CSMD2: variants seen among roughly 807,000 people sequenced by gnomAD.
CSMD2 encodes the protein CUB and sushi domain-containing protein 2.
Under a neutral mutation model 398.5 loss-of-function variants are expected in CSMD2, and 130 were observed. The ratio of observed to expected loss-of-function variants is 0.33; its 90% confidence interval spans 0.28 to 0.38. The LOEUF (loss-of-function observed/expected upper bound fraction) is 0.38, where lower values mean the gene tolerates loss of function less well. CSMD2 is among the 10% of genes least tolerant of loss of function. The pLI is 1.00. For missense variants in CSMD2, 3,829 were observed against 4,764.9 expected (o/e 0.80, Z 5.78); for synonymous variants, 1,828 against 1,908.5 (o/e 0.96, Z 1.10).
intron 5 of CSMD2, among the ~76,000 whole-genome samples, chr1:33,883,760 G>A (rs1044472455): frequency 6.6e-6 from 1 of 152,172 alleles, no homozygotes; most frequent in Non-Finnish European, 1.5e-5. Context: ...GGGAAACAAG[G>A]CCCCACTTTC....
intron 1 of CSMD2, among the ~76,000 whole-genome samples, chr1:34,134,607 AAAAAT>A (rs893863634): frequency 4.3e-4 from 66 of 152,376 alleles, no homozygotes; most frequent in African/African-American, 1.5e-3. Context: ...TCTCTATGCA[AAAAAT>A]AAAATAAAGA....
intron 15 of CSMD2, among the ~76,000 whole-genome samples, chr1:33,738,057 T>C (rs1646939398): frequency 6.6e-6 from 1 of 151,974 alleles, no homozygotes; most frequent in Admixed American, 6.6e-5. Flanking sequence ...GTCCCTTGTC[T>C]CCCATCGAGC....
At chr1:33,687,872 A>G (rs1234399903) in intron 25 of CSMD2, among the ~76,000 whole-genome samples, 1 of 152,200 alleles carries the variant, frequency 6.6e-6, no homozygotes, top group African/African-American at 2.4e-5. Context: ...AAAAAGACAA[A>G]TTGTCCAAAC....
chr1:33,708,382 C>T (rs1645873703), intron 22 of CSMD2, among the ~76,000 whole-genome samples: 1 of 145,106 alleles, frequency 6.9e-6, no homozygotes, highest in Non-Finnish European at 1.5e-5. Flanking sequence ...TATGCACAGA[C>T]ACAGATCCCC....
At chr1:33,890,234 T>TC (rs1254355450) in intron 5 of CSMD2, among the ~76,000 whole-genome samples, 1 of 129,792 alleles carries the variant, frequency 7.7e-6, no homozygotes, top group Non-Finnish European at 1.7e-5. Context: ...TTTTCTTTCT[T>TC]TTTTTTTTTT....
intron 1 of CSMD2, among the ~76,000 whole-genome samples, chr1:34,109,309 G>T (rs1381692400): frequency 1.3e-5 from 2 of 152,348 alleles, no homozygotes; most frequent in South Asian, 2.1e-4. Flanking sequence ...CACTGATGGT[G>T]ATTTGAAAGT....
intron 1 of CSMD2, among the ~76,000 whole-genome samples, chr1:34,103,881 T>C (rs111627149): frequency 2.0e-4 from 31 of 152,314 alleles, no homozygotes; most frequent in African/African-American, 7.0e-4. Flanking sequence ...GTTAAAAGCA[T>C]AGGTTTTGGA....
At chr1:33,734,461 A>G (rs1313799761) in intron 15 of CSMD2, among the ~76,000 whole-genome samples, 1 of 152,090 alleles carries the variant, frequency 6.6e-6, no homozygotes, top group Non-Finnish European at 1.5e-5. Context: ...GGCTCAAGCA[A>G]CCCTCCGAGT....
rs1326620741 is a variant in CSMD2 at position 33,645,390 on chromosome 1, CACAT to C, written c.4774+1254_4774+1257del. Reference sequence around the variant, plus strand: ...ACACACACACACACACACACACACACACATATATAAAATATGCATGTATAAAATA... The same window carrying C: ...ACACACACACACACACACACACACACATATAAAATATGCATGTATAAAATA... On this transcript the variant is annotated intron_variant, in intron 29 of 70. Coordinates refer to ENST00000373381, the MANE Select transcript of CSMD2 (RefSeq NM_001281956.2). Among the ~76,000 whole-genome samples the C allele has an allele frequency of 2.3e-3, 286 of 124,398 alleles. 2 individuals carry two copies. Among genetic ancestry groups the C allele is most frequent in the South Asian group, 8.0e-3 (30 of 3,756 alleles). The allele number at this position is 124,398 out of a possible 152,430, so 81.6% of individuals were successfully genotyped here. A position where few individuals can be genotyped will look rare whatever the true frequency, so the allele number is the denominator to read the frequency against.
chr1:33,787,076 G>T (rs1653623260), intron 12 of CSMD2, among the ~76,000 whole-genome samples: 3 of 152,176 alleles, frequency 2.0e-5, no homozygotes, highest in African/African-American at 7.2e-5. Context: ...AGACACACAG[G>T]AAGGTTGTGT....
chr1:33,521,666 C>G (rs1654310362), intron 67 of CSMD2, 116 bp from the exon 68 acceptor site: 6 of 758,450 alleles, frequency 7.9e-6, no homozygotes, highest in Non-Finnish European at 1.4e-5. Flanking sequence ...CTCTGACACA[C>G]AGGGTTTGTT....
intron 2 of CSMD2, among the ~76,000 whole-genome samples, chr1:34,069,835 T>C (rs1028325125): frequency 6.6e-6 from 1 of 152,200 alleles, no homozygotes; most frequent in Non-Finnish European, 1.5e-5. Context: ...TAGACAAAAG[T>C]GTGATTTAGA....
intron 4 of CSMD2, among the ~76,000 whole-genome samples, chr1:33,933,995 A>C (rs1215477034): frequency 1.3e-5 from 2 of 152,150 alleles, no homozygotes; most frequent in African/African-American, 4.8e-5. Context: ...TGCAATGAAC[A>C]ATTAATTATG....
At chr1:34,073,132 C>T (rs1053046992) in intron 2 of CSMD2, among the ~76,000 whole-genome samples, 28 of 152,236 alleles carry the variant, frequency 1.8e-4, no homozygotes, top group Non-Finnish European at 1.5e-5. Flanking sequence ...TTGTCTTCTG[C>T]ACCCCTCTTC....
chr1:34,079,037 G>A (rs1323568268), intron 2 of CSMD2, among the ~76,000 whole-genome samples: 1 of 151,930 alleles, frequency 6.6e-6, no homozygotes, highest in Non-Finnish European at 1.5e-5. Flanking sequence ...TTGCCCCACG[G>A]TCGCCAGTCT....
intron 8 of CSMD2, among the ~76,000 whole-genome samples, chr1:33,820,077 C>T (rs779253325): frequency 1.3e-5 from 2 of 152,156 alleles, no homozygotes; most frequent in South Asian, 4.1e-4. Context: ...AGCAAAACAG[C>T]GATCCTCTGA....
chr1:33,876,009 C>A (rs537723932), intron 5 of CSMD2, among the ~76,000 whole-genome samples: 1 of 152,188 alleles, frequency 6.6e-6, no homozygotes, highest in African/African-American at 2.4e-5. Flanking sequence ...GGCCAGCTCT[C>A]GGCAGCAAAA....
In CSMD2 at chr1:33,562,532, G is replaced by A. The variant is rs551486157; in HGVS notation, c.8381-3059C>T. On this transcript the variant is annotated intron_variant, in intron 53 of 70. Transcript: ENST00000373381. ...GAAGTGGCCTTTGCTGCTAATGAGA[G>A]GGGAGAGGTGGAGGCAATTAGTGTA... is the stretch of plus-strand genomic sequence containing the variant. Among the ~76,000 whole-genome samples the A allele has an allele frequency of 2.6e-3, 395 of 152,270 alleles. 3 individuals are homozygous for A. Among genetic ancestry groups the A allele is most frequent in the African/African-American group, 9.1e-3 (377 of 41,552 alleles).
intron 55 of CSMD2, among the ~76,000 whole-genome samples, chr1:33,554,043 G>A (rs975810552): frequency 2.0e-5 from 3 of 152,088 alleles, no homozygotes; most frequent in Non-Finnish European, 4.4e-5. Flanking sequence ...AAGGAAAGAG[G>A]CCATTTCTAT....
Sources: gnomAD v4.1 joint callset for allele counts (sites outside exome capture counted in the v4.1 genomes callset) on GRCh38, gnomAD v4.1.1 for gene constraint, MANE v1.5 for transcripts, NCBI Gene and HGNC (gene_info 2026-07-23, HGNC 2026-07-21) for gene names.